The following MAGED1 variants were observed in gnomAD, a reference collection of about 807,000 sequenced individuals.
MAGED1 encodes melanoma-associated antigen D1.
A neutral mutation model predicts 54.1 loss-of-function variants in MAGED1; 3 were observed. The ratio of observed to expected loss-of-function variants is 0.06; its 90% confidence interval spans 0.03 to 0.14. The LOEUF is 0.14. MAGED1 is among the 10% of genes least tolerant of loss of function. The probability of loss-of-function intolerance (pLI) is 1.00; values close to 1 mark genes in which losing one functional copy is unlikely to be tolerated. For missense variants in MAGED1, 485 were observed against 623.4 expected (o/e 0.78, Z 2.36); for synonymous variants, 217 against 227.3 (o/e 0.95, Z 0.41).
intron 1 of MAGED1, among the ~76,000 whole-genome samples, chrX:51,816,925 T>C (rs186571452): frequency 1.8e-5 from 2 of 111,618 alleles, no homozygotes; most frequent in African/African-American, 3.3e-5. Context: ...GGGGCTCAAA[T>C]TGGTTATTAT....
intron 1 of MAGED1, among the ~76,000 whole-genome samples, chrX:51,816,482 G>C (rs1925431197): frequency 9.0e-6 from 1 of 111,387 alleles, no homozygotes; most frequent in Admixed American, 9.6e-5. Context: ...TAGATACACA[G>C]ATACAAAAAT....
At chrX:51,831,082 C>T (rs1367278928) in intron 1 of MAGED1, among the ~76,000 whole-genome samples, 1 of 111,621 alleles carries the variant, frequency 9.0e-6, no homozygotes, top group Non-Finnish European at 1.9e-5. Flanking sequence ...GGGTCTTGAT[C>T]TCTTGACCTC....
chrX:51,856,682 A>C (rs149252946), intron 1 of MAGED1, among the ~76,000 whole-genome samples: 3,915 of 111,943 alleles, frequency 0.035, 78 homozygotes, highest in Non-Finnish European at 0.055. Context: ...CCAGAATCCA[A>C]GGACTATTGG....
chrX:51,838,024 A>T (rs782110376), intron 1 of MAGED1, among the ~76,000 whole-genome samples: 101 of 112,579 alleles, frequency 9.0e-4, no homozygotes, highest in African/African-American at 3.0e-3. Flanking sequence ...AAAAGATGGG[A>T]GTAAAATTGT....
chrX:51,841,437 T>G (rs373374513), intron 1 of MAGED1, among the ~76,000 whole-genome samples: 54 of 110,679 alleles, frequency 4.9e-4, no homozygotes, highest in African/African-American at 1.5e-3. Flanking sequence ...CTCTTTAGTT[T>G]AATTAGATCC....
At chrX:51,870,422 GA>G (rs1305759656) in intron 1 of MAGED1, among the ~76,000 whole-genome samples, 1 of 111,528 alleles carries the variant, frequency 9.0e-6, no homozygotes, top group African/African-American at 3.3e-5. Context: ...GTTCTTTGGG[GA>G]TCTTGTGCTC....
chrX:51,858,468 T>C (rs1268545806), intron 1 of MAGED1, among the ~76,000 whole-genome samples: 1 of 112,334 alleles, frequency 8.9e-6, no homozygotes, highest in African/African-American at 3.2e-5. Flanking sequence ...ATAAAGACTT[T>C]ATCATATTTA....
At chrX:51,879,933 A>G (rs781876783) in intron 1 of MAGED1, among the ~76,000 whole-genome samples, 2 of 112,460 alleles carry the variant, frequency 1.8e-5, no homozygotes, top group Admixed American at 9.4e-5. Flanking sequence ...CATAAGCCCC[A>G]TATTTTAGGG....
At position 51,896,530 on chromosome X, in the gene MAGED1, C is replaced by T. The variant is rs782816205; in HGVS notation, c.875C>T (p.Pro292Leu). 5.0e-6 allele frequency: 6 copies of T among 1,210,274 alleles called. No homozygotes were observed. In the African/African-American group the frequency reaches 7.0e-5, roughly 14 times the overall value. ...VTTQNPPGAP[P>L]NVLWQTPLAW... is the part of the protein sequence containing the mutation. Reference sequence around the variant, plus strand: ...ACTCAGAACCCACCTGGCGCACCCCCCAATGTGCTCTGGCAGACGCCATTG... The same window carrying T: ...ACTCAGAACCCACCTGGCGCACCCCTCAATGTGCTCTGGCAGACGCCATTG... The change falls in exon 4 of 13, where the codon CCC (proline) becomes CTC (leucine). Residue 292 changes from proline (P) to leucine (L), a missense_variant. Transcript: ENST00000326587.
chrX:51,901,581 C>G lies in MAGED1; in HGVS notation c.1988C>G (p.Thr663Ser), dbSNP rs781949229. The G allele has an allele frequency of 8.4e-7, 1 of 1,190,266 alleles. No individual in the cohort carries two copies. Among genetic ancestry groups the G allele is most frequent in the Non-Finnish European group, 1.1e-6 (1 of 883,724 alleles). ...CAGAAAAGAGACCCTCGTGACTGGA[C>G]TGCACAGTTCATGGAGGCTGCAGAT... ...EVQKRDPRDW[T>S]AQFMEAADEA... The change falls in exon 12 of 13, where the codon ACT (threonine) becomes AGT (serine). Residue 663 changes from threonine to serine, a missense_variant. Around this residue, in one of 2 missense-constraint regions of MAGED1, gnomAD observed 186 missense variants for 330.3 expected, o/e 0.56. Transcript: ENST00000326587.
chrX:51,845,305 C>T (rs1184974638), intron 1 of MAGED1, among the ~76,000 whole-genome samples: 1 of 111,778 alleles, frequency 8.9e-6, no homozygotes, highest in Non-Finnish European at 1.9e-5. Flanking sequence ...TAAATACATG[C>T]TACCTTTTAT....
intron 1 of MAGED1, among the ~76,000 whole-genome samples, chrX:51,868,493 G>T (rs782184155): frequency 9.0e-6 from 1 of 111,358 alleles, no homozygotes; most frequent in Non-Finnish European, 1.9e-5. Flanking sequence ...GTGTGATAAT[G>T]GTGTCAATGG....
At chrX:51,831,008 C>T (rs1488002933) in intron 1 of MAGED1, among the ~76,000 whole-genome samples, 2 of 111,166 alleles carry the variant, frequency 1.8e-5, no homozygotes, top group Non-Finnish European at 3.8e-5. Context: ...ACTACAGGCG[C>T]GTGCCACCAC....
intron 1 of MAGED1, among the ~76,000 whole-genome samples, chrX:51,856,516 G>A (rs1447051717): frequency 8.9e-6 from 1 of 112,058 alleles, no homozygotes; most frequent in Non-Finnish European, 1.9e-5. Context: ...TTATTAATCT[G>A]TTTGCATTTC....
chrX:51,830,227 A>G (rs1926010786), intron 1 of MAGED1, among the ~76,000 whole-genome samples: 1 of 111,655 alleles, frequency 9.0e-6, no homozygotes, highest in African/African-American at 3.3e-5. Context: ...AACTTAAAAC[A>G]TACAAAAATA....
Position 51,898,633 on chromosome X carries a change from G to A in MAGED1, c.1834G>A (p.Val612Ile). 8.3e-7 allele frequency: 1 copy of A among 1,207,087 alleles called. No individual in the cohort carries two copies. The highest frequency in any genetic ancestry group is 1.1e-6 in the Non-Finnish European group (1 of 893,082). Residue 612 changes from valine (V) to isoleucine (I), a missense_variant, in exon 10 of 13, where the codon GTA becomes ATA. Around this residue, in one of 2 missense-constraint regions of MAGED1, gnomAD observed 186 missense variants for 330.3 expected, o/e 0.56. Transcript: ENST00000326587. Reference protein sequence around the residue: ...DLRKLLTYEFVKQKYLDYRRV... With the variant: ...DLRKLLTYEFIKQKYLDYRRV... ...AAGGAAACTTCTCACCTATGAGTTT[G>A]TAAAGCAGAAGTAAGTGATGCCTAA...
chrX:51,871,197 T>C (rs1402132160), intron 1 of MAGED1, among the ~76,000 whole-genome samples: 4 of 112,275 alleles, frequency 3.6e-5, no homozygotes, highest in Admixed American at 9.4e-5. Context: ...ATTATTTTTT[T>C]TGAAGCTGCA....
chrX:51,890,522 G>T (rs1928397231), upstream of MAGED1, among the ~76,000 whole-genome samples: 1 of 111,608 alleles, frequency 9.0e-6, no homozygotes, highest in South Asian at 3.7e-4. Context: ...GTGAAGAAGT[G>T]AATATCTGGC....
intron 1 of MAGED1, among the ~76,000 whole-genome samples, chrX:51,842,759 C>T: frequency 9.0e-6 from 1 of 111,255 alleles, no homozygotes. Context: ...GGTCTTGGCT[C>T]ACTGCATCCT....
Sources: gnomAD v4.1 joint callset for allele counts (sites outside exome capture counted in the v4.1 genomes callset) on GRCh38, gnomAD v4.1.1 for gene constraint, gnomAD v4.1.1 regional missense constraint, MANE v1.5 for transcripts, NCBI Gene and HGNC (gene_info 2026-07-23, HGNC 2026-07-21) for gene names.